The following LRRC4C variants were observed in gnomAD, a reference collection of about 807,000 sequenced individuals.
LRRC4C encodes the protein leucine-rich repeat-containing protein 4C.
LRRC4C carries 5 observed loss-of-function variants against 33.6 expected under a neutral mutation model. The observed-to-expected ratio is 0.15, with a 90% CI of 0.08 to 0.31. The LOEUF (loss-of-function observed/expected upper bound fraction) is 0.31, where lower values mean the gene tolerates loss of function less well. Among genes scored for constraint, LRRC4C ranks in the 10% least tolerant of loss-of-function variants. The pLI is 1.00. For missense variants in LRRC4C, 560 were observed against 796.7 expected (o/e 0.70, Z 3.58); for synonymous variants, 329 against 302.0 (o/e 1.09, Z -0.93).
At chr11:40,633,395 CTT>C (rs35352183) in intron 3 of LRRC4C, among the ~76,000 whole-genome samples, 2 of 124,616 alleles carry the variant, frequency 1.6e-5, no homozygotes, top group Admixed American at 7.9e-5. Context: ...TTCTTTCTTT[CTT>C]TTTTTTTTTT....
chr11:40,639,397 G>A (rs1164310718), intron 3 of LRRC4C, among the ~76,000 whole-genome samples: 4 of 152,148 alleles, frequency 2.6e-5, no homozygotes, highest in Non-Finnish European at 5.9e-5. Context: ...AATGGCTATA[G>A]GGGCAGTAGT....
intron 2 of LRRC4C, among the ~76,000 whole-genome samples, chr11:40,826,850 C>A (rs1952188794): frequency 6.6e-6 from 1 of 151,866 alleles, no homozygotes; most frequent in Non-Finnish European, 1.5e-5. Context: ...GCACAGAGAA[C>A]AAGAGTTTCA....
intron 1 of LRRC4C, among the ~76,000 whole-genome samples, chr11:41,347,786 T>G (rs1171046194): frequency 2.0e-5 from 3 of 152,112 alleles, no homozygotes; most frequent in Non-Finnish European, 4.4e-5. Flanking sequence ...TCAGAGACAG[T>G]CTCTCAGCTT....
At chr11:40,600,089 G>T (rs931510917) in intron 3 of LRRC4C, among the ~76,000 whole-genome samples, 2 of 152,154 alleles carry the variant, frequency 1.3e-5, no homozygotes, top group African/African-American at 4.8e-5. Context: ...CTAACTCTGT[G>T]CATAGTTTGC....
intron 2 of LRRC4C, among the ~76,000 whole-genome samples, chr11:40,692,112 A>G (rs1420316354): frequency 1.3e-5 from 2 of 152,110 alleles, no homozygotes; most frequent in Non-Finnish European, 2.9e-5. Flanking sequence ...CTCATAAACC[A>G]GAAATGTGTA....
At chr11:40,522,193 T>C (rs1330067778) in intron 3 of LRRC4C, among the ~76,000 whole-genome samples, 2 of 152,200 alleles carry the variant, frequency 1.3e-5, no homozygotes, top group African/African-American at 4.8e-5. Context: ...CTAGCTAATT[T>C]ATATACATAT....
intron 3 of LRRC4C, among the ~76,000 whole-genome samples, chr11:40,365,192 T>C (rs1948152861): frequency 6.6e-6 from 1 of 152,088 alleles, no homozygotes; most frequent in Non-Finnish European, 1.5e-5. Context: ...TAAGATTTAA[T>C]TGGCTCTTTT....
At chr11:41,266,953 C>A (rs1949169902) in intron 1 of LRRC4C, among the ~76,000 whole-genome samples, 1 of 152,110 alleles carries the variant, frequency 6.6e-6, no homozygotes, top group Admixed American at 6.6e-5. Context: ...TTCTGCACAA[C>A]CGTGTTAAGT....
chr11:41,306,021 T>TAAAA (rs1158183443), intron 1 of LRRC4C, among the ~76,000 whole-genome samples: 1 of 110,458 alleles, frequency 9.1e-6, no homozygotes, highest in Non-Finnish European at 2.1e-5. Flanking sequence ...TTTCTTTCTC[T>TAAAA]AAAAAAAAAA....
chr11:40,409,110 T>C (rs914598024), intron 3 of LRRC4C, among the ~76,000 whole-genome samples: 6 of 151,958 alleles, frequency 3.9e-5, no homozygotes, highest in African/African-American at 1.4e-4. Flanking sequence ...TTATGGTCAA[T>C]TGATTTTTGA....
rs957320436 is a variant in LRRC4C at position 40,383,041 on chromosome 11, C to A, written c.-269-63320G>T. ...CCTCCCATTTCTCTCTCTCCATAGA[C>A]CCGAGAAGGTACCGTTCTTTTCTCT... is the stretch of plus-strand genomic sequence containing the variant. On this transcript the variant is annotated intron_variant, in intron 3 of 6. Transcript: ENST00000528697. Among the ~76,000 whole-genome samples, 3 of 152,042 alleles carry A rather than the reference C, an allele frequency of 2.0e-5. No homozygotes were observed. The East Asian group carries it at 5.8e-4, about 29-fold the overall frequency.
chr11:40,829,057 G>C (rs1037244260), intron 2 of LRRC4C, among the ~76,000 whole-genome samples: 1 of 151,652 alleles, frequency 6.6e-6, no homozygotes, highest in Non-Finnish European at 1.5e-5. Context: ...CTGTTCATTC[G>C]GCTACCTGAT....
intron 1 of LRRC4C, among the ~76,000 whole-genome samples, chr11:41,292,213 A>G (rs775037168): frequency 3.2e-4 from 48 of 152,116 alleles, no homozygotes; most frequent in Non-Finnish European, 3.2e-4. Flanking sequence ...AATTAATTTA[A>G]GAAGATGTAA....
At chr11:40,479,383 A>G (rs1953420518) in intron 3 of LRRC4C, among the ~76,000 whole-genome samples, 1 of 152,168 alleles carries the variant, frequency 6.6e-6, no homozygotes, top group Admixed American at 6.6e-5. Context: ...TACCCAGACA[A>G]GGTTCCTGTC....
chr11:40,240,100 T>C (rs896249538), intron 5 of LRRC4C, among the ~76,000 whole-genome samples: 5 of 152,196 alleles, frequency 3.3e-5, no homozygotes, highest in African/African-American at 1.2e-4. Context: ...TTCATTTGCT[T>C]CCTGGCAGTC....
intron 1 of LRRC4C, among the ~76,000 whole-genome samples, chr11:40,954,816 A>G (rs1958886423): frequency 6.6e-6 from 1 of 151,714 alleles, no homozygotes; most frequent in Non-Finnish European, 1.5e-5. Flanking sequence ...CTTAAATATC[A>G]CTGGAGGTAA....
At chr11:40,296,559 C>T (rs1944523514) in intron 4 of LRRC4C, among the ~76,000 whole-genome samples, 1 of 152,140 alleles carries the variant, frequency 6.6e-6, no homozygotes, top group African/African-American at 2.4e-5. Context: ...TATCAGCATG[C>T]AGGCTGTCAT....
intron 2 of LRRC4C, among the ~76,000 whole-genome samples, chr11:40,842,232 A>G (rs1417435221): frequency 1.3e-5 from 2 of 152,224 alleles, no homozygotes; most frequent in East Asian, 3.9e-4. Context: ...TGAACACTAC[A>G]ACTCTATTCC....
chr11:41,107,734 T>G (rs1480439286), intron 1 of LRRC4C, among the ~76,000 whole-genome samples: 1 of 152,048 alleles, frequency 6.6e-6, no homozygotes, highest in Non-Finnish European at 1.5e-5. Flanking sequence ...GGTCAGGAGT[T>G]TGAGACCAGC....
Sources: allele counts gnomAD v4.1 joint callset (sites outside exome capture counted in the v4.1 genomes callset), GRCh38; gene constraint gnomAD v4.1.1; transcripts MANE v1.5; gene names NCBI Gene and HGNC (gene_info 2026-07-23, HGNC 2026-07-21).